CUL2: variants seen among roughly 807,000 people sequenced by gnomAD.
CUL2 encodes the protein cullin 2.
A neutral mutation model predicts 110.2 loss-of-function variants in CUL2; 22 were observed. The observed-to-expected ratio is 0.20, with a 90% CI of 0.14 to 0.28. The LOEUF (loss-of-function observed/expected upper bound fraction) is 0.28. CUL2 is among the 10% of genes least tolerant of loss of function. The pLI is 1.00. For missense variants in CUL2, 631 were observed against 905.5 expected (o/e 0.70, Z 3.89); for synonymous variants, 279 against 293.2 (o/e 0.95, Z 0.49).
chr10:35,115,326 C>T (rs936123721), intron 1 of CUL2, among the ~76,000 whole-genome samples: 9 of 152,034 alleles, frequency 5.9e-5, no homozygotes, highest in African/African-American at 2.4e-5. Context: ...CTTTGGGAGG[C>T]GGAGGCGGGC....
chr10:35,051,547 A>G (rs982241920), intron 5 of CUL2, among the ~76,000 whole-genome samples: 9 of 152,298 alleles, frequency 5.9e-5, no homozygotes, highest in African/African-American at 1.7e-4. Flanking sequence ...GGCCGGGCGG[A>G]GCCTGCAGTG....
In CUL2 at chr10:35,013,777, C is replaced by T. The variant is rs12830; in HGVS notation, c.1911G>A (p.Ser637=). The T allele has an allele frequency of 0.32, 488,474 of 1,510,670 alleles. 81,610 individuals carry two copies. The highest frequency in any genetic ancestry group is 0.33 in the Non-Finnish European group (371,159 of 1,111,028). The allele number at this position is 1,510,670 out of a possible 1,614,324, so 93.6% of individuals were successfully genotyped here. ...TGCTAAAGTTCATATTTAATGAAAACGAAGATTCTGCATCAATATCTTCCT... is the reference window on the plus strand; with the variant it reads ...TGCTAAAGTTCATATTTAATGAAAATGAAGATTCTGCATCAATATCTTCCT... ...SEKEDIDAES[S]FSLNMNFSSK... Residue 637 remains serine (S), a synonymous_variant, in exon 19 of 21, where the codon TCG becomes TCA. Coordinates refer to ENST00000374749, the MANE Select transcript of CUL2 (RefSeq NM_003591.4).
chr10:35,075,197 G>A (rs922628333), intron 1 of CUL2, among the ~76,000 whole-genome samples: 2 of 152,122 alleles, frequency 1.3e-5, no homozygotes, highest in Non-Finnish European at 2.9e-5. Context: ...CACCAGCCTC[G>A]TGAAACACAC....
Position 35,054,486 on chromosome 10 carries a change from T to G in CUL2, c.371A>C (p.Gln124Pro). 1 of 1,595,698 alleles carries G rather than the reference T, an allele frequency of 6.3e-7. No individual in the cohort carries two copies. The highest frequency in any genetic ancestry group is 8.5e-7 in the Non-Finnish European group (1 of 1,172,410). ...KKNKLTEADLQYGYGGVDMNE... is the reference protein window; with the variant it reads ...KKNKLTEADLPYGYGGVDMNE... ...CATATCTACACCACCATAGCCATAC[T>G]GAAGGTCCGCTTCTGTTAATTTATT... is the stretch of plus-strand genomic sequence containing the variant. Residue 124 changes from glutamine (Q) to proline (P), a missense_variant, in exon 5 of 21, where the codon CAG becomes CCG. Gln to Pro is a moderately conservative substitution (Grantham distance 76, BLOSUM62 -1). Coordinates refer to ENST00000374749, the MANE Select transcript of CUL2 (RefSeq NM_003591.4).
At chr10:35,013,651 G>A (rs2084958332) in intron 19 of CUL2, 48 bp downstream of exon 19, 1 of 1,227,402 alleles carries the variant, frequency 8.1e-7, no homozygotes, top group African/African-American at 1.5e-5. Flanking sequence ...AAAGTCCAAT[G>A]CTTAAATGTT....
intron 1 of CUL2, among the ~76,000 whole-genome samples, chr10:35,120,873 G>C (rs2087669566): frequency 6.6e-6 from 1 of 152,060 alleles, no homozygotes; most frequent in Non-Finnish European, 1.5e-5. Flanking sequence ...TCCAGCCTGG[G>C]CCATAGAGTA....
At chr10:35,044,419 CTG>C (rs2085882458) in intron 8 of CUL2, 145 bp downstream of exon 8, 2 of 527,758 alleles carry the variant, frequency 3.8e-6, no homozygotes, top group Non-Finnish European at 6.5e-6. Context: ...TATATAATAA[CTG>C]TAACTCAGAG....
Position 35,068,671 on chromosome 10 carries a change from T to C in CUL2, c.119+2528A>G, listed in dbSNP as rs534326203. On this transcript the variant is annotated intron_variant, in intron 2 of 20. Transcript: ENST00000374749. ...GTTATTCACACTCCCCATAAATGCA[T>C]GCTAAAAGTTCAAATAATAACACAT... Among the ~76,000 whole-genome samples the C allele has an allele frequency of 1.1e-4, 16 of 152,312 alleles. No homozygotes were observed. In the East Asian group the frequency reaches 3.1e-3, roughly 29 times the overall value.
chr10:35,115,849 C>T (rs768410546), intron 1 of CUL2, among the ~76,000 whole-genome samples: 6 of 151,998 alleles, frequency 3.9e-5, no homozygotes, highest in African/African-American at 1.2e-4. Flanking sequence ...GCCGAGATTG[C>T]GCCACTGCAC....
At chr10:35,014,760 G>C (rs2084984737) in intron 18 of CUL2, among the ~76,000 whole-genome samples, 2 of 152,142 alleles carry the variant, frequency 1.3e-5, no homozygotes, top group Non-Finnish European at 2.9e-5. Context: ...TTGAGCCCAG[G>C]AGGTGGGGAT....
intron 6 of CUL2, 83 bp downstream of exon 6, chr10:35,049,600 T>C (rs1448067040): frequency 2.6e-5 from 28 of 1,090,856 alleles, no homozygotes; most frequent in Non-Finnish European, 3.3e-5. Flanking sequence ...GGCTAGTCAC[T>C]GGCTCTGCAA....
intron 16 of CUL2, among the ~76,000 whole-genome samples, chr10:35,026,570 G>C (rs2085339642): frequency 5.9e-5 from 9 of 152,084 alleles, no homozygotes; most frequent in Admixed American, 5.9e-4. Flanking sequence ...CTCTTCAGTA[G>C]TACTATTTGG....
At chr10:35,079,282 G>C (rs1049647633) in intron 1 of CUL2, among the ~76,000 whole-genome samples, 4 of 152,170 alleles carry the variant, frequency 2.6e-5, no homozygotes, top group African/African-American at 9.7e-5. Context: ...ACAATACAAT[G>C]CCTATGTAAT....
intron 2 of CUL2, among the ~76,000 whole-genome samples, chr10:35,098,912 C>A (rs2087337929): frequency 6.6e-6 from 1 of 151,652 alleles, no homozygotes; most frequent in Non-Finnish European, 1.5e-5. Context: ...CCAGCCTGGG[C>A]AACAAAGCAA....
At chr10:35,016,532 G>A (rs2085037733) in intron 17 of CUL2, 138 bp from the exon 18 acceptor site, 1 of 682,862 alleles carries the variant, frequency 1.5e-6, no homozygotes, top group Non-Finnish European at 2.4e-6. Flanking sequence ...CTGTTAACAA[G>A]GTAGTCATTT....
chr10:35,088,168 G>C (rs1304949445), intron 1 of CUL2, among the ~76,000 whole-genome samples: 1 of 152,000 alleles, frequency 6.6e-6, no homozygotes, highest in Non-Finnish European at 1.5e-5. Context: ...CTTATATACT[G>C]TCTGTCTCTC....
At chr10:35,120,074 G>A (rs2087660415) in intron 1 of CUL2, 1 of 152,150 alleles carries the variant, frequency 6.6e-6, no homozygotes, top group Non-Finnish European at 1.5e-5. Context: ...CATCTATGGG[G>A]ACTGCATGTA....
intron 20 of CUL2, 137 bp from the exon 21 acceptor site, chr10:35,010,579 C>A (rs143376723): frequency 1.0e-4 from 70 of 689,212 alleles, no homozygotes; most frequent in Middle Eastern, 8.1e-4. Context: ...AAAATAGGAA[C>A]TACAATGTGG....
intron 17 of CUL2, among the ~76,000 whole-genome samples, chr10:35,024,414 T>C (rs1313226252): frequency 1.3e-5 from 2 of 152,220 alleles, no homozygotes; most frequent in Admixed American, 1.3e-4. Context: ...GATTTTCTTG[T>C]ACCATCTCTA....
Sources: gnomAD v4.1 joint callset for allele counts (sites outside exome capture counted in the v4.1 genomes callset) on GRCh38, gnomAD v4.1.1 for gene constraint, MANE v1.5 for transcripts, NCBI Gene and HGNC (gene_info 2026-07-23, HGNC 2026-07-21) for gene names.